Variants in ARL8A observed in about 807,000 individuals in gnomAD.
The protein encoded by ARL8A is ARF like GTPase 8A, also known as ADP-ribosylation factor-like protein 8A.
ARL8A carries 10 observed loss-of-function variants against 31.2 expected under a neutral mutation model. That is an observed-to-expected ratio of 0.32 (90% CI 0.20 to 0.54). The LOEUF (loss-of-function observed/expected upper bound fraction) is 0.54. ARL8A is among the 20% of genes least tolerant of loss of function. The pLI is 0.93. For missense variants in ARL8A, 129 were observed against 242.8 expected (o/e 0.53, Z 3.12); for synonymous variants, 70 against 86.9 (o/e 0.81, Z 1.08).
intron 1 of ARL8A, among the ~76,000 whole-genome samples, chr1:202,142,972 C>A (rs1655199798): frequency 6.6e-6 from 1 of 152,160 alleles, no homozygotes; most frequent in African/African-American, 2.4e-5. Context: ...TGTTATGTGC[C>A]TGCTCTGGGA....
rs1284309543 is a variant in ARL8A at position 202,144,350 on chromosome 1, A to T, written c.123+100T>A. 6 of 786,526 alleles carry T rather than the reference A, an allele frequency of 7.6e-6. No individual in the cohort carries two copies. Among genetic ancestry groups the T allele is most frequent in the Non-Finnish European group, 9.3e-6 (6 of 646,678 alleles). The allele number at this position is 786,526 out of a possible 1,614,324, so 48.7% of individuals were successfully genotyped here. A position where few individuals can be genotyped will look rare whatever the true frequency, so the allele number is the denominator to read the frequency against. On this transcript the variant is annotated intron_variant, in intron 1 of 6. Transcript: ENST00000272217. The surrounding 1 kb of genome is among the most constrained non-coding windows in gnomAD (Gnocchi z 5.2). ...GCCCGGCGCCCGGCCGTGCCCGGCTATGCCAGGCGGCGACCCCGGCTCAGC... is the reference window on the plus strand; with the variant it reads ...GCCCGGCGCCCGGCCGTGCCCGGCTTTGCCAGGCGGCGACCCCGGCTCAGC...
At chr1:202,137,220 G>T (rs1319569600) in intron 3 of ARL8A, among the ~76,000 whole-genome samples, 1 of 151,764 alleles carries the variant, frequency 6.6e-6, no homozygotes, top group Non-Finnish European at 1.5e-5. Flanking sequence ...ACAGGATCTT[G>T]CTATGTTGCC....
chr1:202,135,437 AAT>A lies in ARL8A; in HGVS notation c.440+20_440+21del. The A allele has an allele frequency of 6.2e-7, 1 of 1,611,500 alleles. No homozygotes were observed. The highest frequency in any genetic ancestry group is 8.5e-7 in the Non-Finnish European group (1 of 1,177,660). ...TTGGGGAATTGGGAGAGCAGAAAGT[AAT>A]ATAGAGTCACCCAACTCACATTTTC... On this transcript the variant is annotated intron_variant, in intron 5 of 6. Coordinates refer to ENST00000272217, the MANE Select transcript of ARL8A (RefSeq NM_138795.4). This position sits in a 1 kb window ranked among gnomAD's most constrained non-coding sequence, Gnocchi z 5.3.
Position 202,144,432 on chromosome 1 carries a change from C to T in ARL8A, c.123+18G>A. On this transcript the variant is annotated intron_variant, in intron 1 of 6. Transcript: ENST00000272217. This position sits in a 1 kb window ranked among gnomAD's most constrained non-coding sequence, Gnocchi z 5.2. Reference sequence around the variant, plus strand: ...CCGCGGCCCGCGCCCGGGGACCCCGCGCCCGACGCCCTCGTACCGCGATCA... The same window carrying T: ...CCGCGGCCCGCGCCCGGGGACCCCGTGCCCGACGCCCTCGTACCGCGATCA... 1 of 1,385,212 alleles carries T rather than the reference C, an allele frequency of 7.2e-7. No homozygotes were observed. The highest frequency in any genetic ancestry group is 9.6e-7 in the Non-Finnish European group (1 of 1,042,072). The allele number at this position is 1,385,212 out of a possible 1,614,324, so 85.8% of individuals were successfully genotyped here.
At position 202,138,252 on chromosome 1, in the gene ARL8A, C is replaced by G. The variant is rs930065614; in HGVS notation, c.204+116G>C. On this transcript the variant is annotated intron_variant, in intron 2 of 6. Coordinates refer to ENST00000272217, the MANE Select transcript of ARL8A (RefSeq NM_138795.4). The surrounding 1 kb of genome is among the most constrained non-coding windows in gnomAD (Gnocchi z 4.4). ...AGCAGGGGGACCCTGGCCTCTGCCCCACTTCAGCTCGCTCCTCCCAGGGGC... is the reference window on the plus strand; with the variant it reads ...AGCAGGGGGACCCTGGCCTCTGCCCGACTTCAGCTCGCTCCTCCCAGGGGC... The G allele has an allele frequency of 5.3e-5, 67 of 1,270,192 alleles. 1 individual carries two copies. The African/African-American group carries it at 7.8e-4, about 15-fold the overall frequency. 78.7% of individuals were successfully genotyped at this position (1,270,192 alleles called of 1,614,324 possible).
intron 1 of ARL8A, among the ~76,000 whole-genome samples, chr1:202,140,968 C>T (rs1174808750): frequency 6.6e-6 from 1 of 152,164 alleles, no homozygotes; most frequent in Non-Finnish European, 1.5e-5. Context: ...AAATAAGACT[C>T]ACAACATGCT....
chr1:202,135,019 C>T lies in ARL8A; in HGVS notation c.511+131G>A. 1.1e-6 allele frequency: 1 copy of T among 873,976 alleles called. No individual in the cohort carries two copies. The highest frequency in any genetic ancestry group is 1.6e-5 in the South Asian group (1 of 62,580). 54.1% of individuals were successfully genotyped at this position (873,976 alleles called of 1,614,324 possible). On this transcript the variant is annotated intron_variant, in intron 6 of 6. Coordinates refer to ENST00000272217, the MANE Select transcript of ARL8A (RefSeq NM_138795.4). The surrounding 1 kb of genome is among the most constrained non-coding windows in gnomAD (Gnocchi z 5.3). ...GGATAGTGCCCAGAATCTGGGCCACCTGGCTGCCTTTTCTACCCAAGAGCC... is the reference window on the plus strand; with the variant it reads ...GGATAGTGCCCAGAATCTGGGCCACTTGGCTGCCTTTTCTACCCAAGAGCC...
At chr1:202,140,376 C>T (rs1655136325) in intron 1 of ARL8A, among the ~76,000 whole-genome samples, 1 of 150,370 alleles carries the variant, frequency 6.7e-6, no homozygotes, top group Non-Finnish European at 1.5e-5. Flanking sequence ...CTCCTGACCT[C>T]GTGATCCGCC....
intron 3 of ARL8A, among the ~76,000 whole-genome samples, chr1:202,137,483 C>T (rs1376737852): frequency 6.6e-6 from 1 of 152,040 alleles, no homozygotes; most frequent in African/African-American, 2.4e-5. Flanking sequence ...CAAAAGTGGC[C>T]AGGCGTGGTA....
chr1:202,138,146 G>A lies in ARL8A; in HGVS notation c.205-108C>T, dbSNP rs989104508. The A allele has an allele frequency of 1.9e-5, 26 of 1,337,706 alleles. No individual in the cohort carries two copies. The African/African-American group carries it at 3.5e-4, about 18-fold the overall frequency. The allele number at this position is 1,337,706 out of a possible 1,614,324, so 82.9% of individuals were successfully genotyped here. ...CTGCCCTACTCTCCTCTGCCTCCCCGGCTTCCTCTCCAGTTCTCCCCCGTC... is the reference window on the plus strand; with the variant it reads ...CTGCCCTACTCTCCTCTGCCTCCCCAGCTTCCTCTCCAGTTCTCCCCCGTC... On this transcript the variant is annotated intron_variant, in intron 2 of 6. Coordinates refer to ENST00000272217, the MANE Select transcript of ARL8A (RefSeq NM_138795.4). The surrounding 1 kb of genome is among the most constrained non-coding windows in gnomAD (Gnocchi z 4.4).
At chr1:202,142,575 C>T (rs996485289) in intron 1 of ARL8A, among the ~76,000 whole-genome samples, 2 of 152,186 alleles carry the variant, frequency 1.3e-5, no homozygotes, top group Non-Finnish European at 2.9e-5. Flanking sequence ...ATTTAGCTTG[C>T]CTGCTCTTTT....
rs1655076291 is a variant in ARL8A, at chr1:202,138,400, G to A, written c.172C>T (p.Arg58Cys). The change falls in exon 2 of 7, where the codon CGC becomes TGC. Residue 58 changes from arginine to cysteine, a missense_variant. Coordinates refer to ENST00000272217, the MANE Select transcript of ARL8A (RefSeq NM_138795.4). This position sits in a 1 kb window ranked among gnomAD's most constrained non-coding sequence, Gnocchi z 4.4. ...GTCACATTCCCTTTGGTGATTTTGC[G>A]CATGTTGAAACCCACGGTGGGGATC... ...DMIPTVGFNMRKITKGNVTIK... is the reference protein window; with the variant it reads ...DMIPTVGFNMCKITKGNVTIK... 6.8e-6 allele frequency: 11 copies of A among 1,613,956 alleles called. No individual in the cohort carries two copies. Among genetic ancestry groups the A allele is most frequent in the Non-Finnish European group, 9.3e-6 (11 of 1,179,964 alleles).
At chr1:202,143,842 A>T (rs1185319923) in intron 1 of ARL8A, among the ~76,000 whole-genome samples, 1 of 152,190 alleles carries the variant, frequency 6.6e-6, no homozygotes, top group Non-Finnish European at 1.5e-5. Flanking sequence ...CCGGCTAGAC[A>T]CTGCGGGTCG....
chr1:202,140,107 T>C (rs1333385265), intron 1 of ARL8A, among the ~76,000 whole-genome samples: 1 of 151,310 alleles, frequency 6.6e-6, no homozygotes, highest in Non-Finnish European at 1.5e-5. Context: ...ACCCCTGATA[T>C]CCCATCTGAA....
intron 1 of ARL8A, among the ~76,000 whole-genome samples, chr1:202,143,929 C>T (rs1655231341): frequency 6.6e-6 from 1 of 152,238 alleles, no homozygotes; most frequent in Non-Finnish European, 1.5e-5. Context: ...TACCTCCCCT[C>T]CCCCTCAATA....
At position 202,135,458 on chromosome 1, in the gene ARL8A, C is replaced by A; in HGVS notation, c.440+1G>T. Reference sequence around the variant, plus strand: ...AAGTAATATAGAGTCACCCAACTCACATTTTCTCAATCAGCTCCTTCTCAT... The same window carrying A: ...AAGTAATATAGAGTCACCCAACTCAAATTTTCTCAATCAGCTCCTTCTCAT... On this transcript the variant is annotated splice_donor_variant, in intron 5 of 6. Coordinates refer to ENST00000272217, the MANE Select transcript of ARL8A (RefSeq NM_138795.4). LOFTEE classifies it high-confidence loss of function. This position sits in a 1 kb window ranked among gnomAD's most constrained non-coding sequence, Gnocchi z 5.3. 6.2e-7 allele frequency: 1 copy of A among 1,613,994 alleles called. No homozygotes were observed. The highest frequency in any genetic ancestry group is 8.5e-7 in the Non-Finnish European group (1 of 1,179,880).
intron 1 of ARL8A, among the ~76,000 whole-genome samples, chr1:202,143,743 C>T (rs1011842279): frequency 1.3e-5 from 2 of 152,238 alleles, no homozygotes; most frequent in South Asian, 2.1e-4. Flanking sequence ...TACACCTCAT[C>T]CTCTCTTGTC....
In ARL8A at chr1:202,138,492, T is replaced by C; in HGVS notation, c.124-44A>G. 6.4e-7 allele frequency: 1 copy of C among 1,573,668 alleles called. No homozygotes were observed. Among genetic ancestry groups the C allele is most frequent in the Non-Finnish European group, 8.7e-7 (1 of 1,143,322 alleles). ...ATGGGAAACAGTGCAAAAATCGATATGCCCCCACCGCAGACCAAGAGGCTG... is the reference window on the plus strand; with the variant it reads ...ATGGGAAACAGTGCAAAAATCGATACGCCCCCACCGCAGACCAAGAGGCTG... On this transcript the variant is annotated intron_variant, in intron 1 of 6. Transcript: ENST00000272217. This position sits in a 1 kb window ranked among gnomAD's most constrained non-coding sequence, Gnocchi z 4.4.
rs1655239268 is a variant in ARL8A at position 202,144,157 on chromosome 1, C to T, written c.123+293G>A. ...AGCGGGTCCCTCCTGCTTCGAGAGC[C>T]CCTCGGTGCCGCCTGCCCCGTGGCA... is the stretch of plus-strand genomic sequence containing the variant. On this transcript the variant is annotated intron_variant, in intron 1 of 6. Coordinates refer to ENST00000272217, the MANE Select transcript of ARL8A (RefSeq NM_138795.4). The surrounding 1 kb of genome is among the most constrained non-coding windows in gnomAD (Gnocchi z 5.2). Among the ~76,000 whole-genome samples, 2 of 152,160 alleles carry T rather than the reference C, an allele frequency of 1.3e-5. No homozygotes were observed. The highest frequency in any genetic ancestry group is 1.3e-4 in the Admixed American group (2 of 15,284).
Sources: gnomAD v4.1 joint callset for allele counts (sites outside exome capture counted in the v4.1 genomes callset) on GRCh38, gnomAD v4.1.1 for gene constraint, Gnocchi (gnomAD v3.1) non-coding constraint, MANE v1.5 for transcripts, NCBI Gene and HGNC (gene_info 2026-07-23, HGNC 2026-07-21) for gene names.